The following RASA2 variants were observed in gnomAD, a reference collection of about 807,000 sequenced individuals.
RASA2 encodes the protein ras GTPase-activating protein 2.
A neutral mutation model predicts 118.2 loss-of-function variants in RASA2; 155 were observed. The observed-to-expected ratio is 1.31, with a 90% confidence interval of 1.15 to 1.50. The LOEUF (loss-of-function observed/expected upper bound fraction) is 1.50, where lower values mean the gene tolerates loss of function less well. Among genes scored for constraint, RASA2 ranks in the 40% most tolerant of loss-of-function variants. The pLI is 0.00. For synonymous variants in RASA2, 353 were observed against 349.1 expected, an observed-to-expected ratio of 1.01 and a Z score of -0.12; for missense variants, 1,016 against 1,009.6, an observed-to-expected ratio of 1.01 and a Z score of -0.09.
intron 1 of RASA2, among the ~76,000 whole-genome samples, chr3:141,490,612 C>T (rs556140462): frequency 6.6e-6 from 1 of 152,158 alleles, no homozygotes; most frequent in South Asian, 2.1e-4. Flanking sequence ...TGGTACAGTG[C>T]GAGATCTGTG....
At position 141,520,094 on chromosome 3, in the gene RASA2, A is replaced by G. The variant is rs113990171; in HGVS notation, c.355+3663A>G. ...AGTGACATGATCTCCGTTCACTGCA[A>G]CCTCCACCTCCTGGGTTCAAGCGAT... On this transcript the variant is annotated intron_variant, in intron 3 of 23. Coordinates refer to ENST00000286364, the MANE Select transcript of RASA2 (RefSeq NM_006506.5). Among the ~76,000 whole-genome samples the G allele has an allele frequency of 2.4e-3, 352 of 146,500 alleles. 5 individuals carry two copies. The highest frequency in any genetic ancestry group is 7.7e-3 in the African/African-American group (300 of 39,172).
Position 141,494,738 on chromosome 3 carries a change from C to CA in RASA2, c.133+7522_133+7523insA, listed in dbSNP as rs1223862851. ...AGGATCTCTTCATATTTTTAAGAGC[C>CA]TTTTTTTTTGATGTGCTATGTGAAC... On this transcript the variant is annotated intron_variant, in intron 1 of 23. Coordinates refer to ENST00000286364, the MANE Select transcript of RASA2 (RefSeq NM_006506.5). Among the ~76,000 whole-genome samples the CA allele has an allele frequency of 4.6e-5, 7 of 151,394 alleles. No individual in the cohort carries two copies. The East Asian group carries it at 9.7e-4, about 21-fold the overall frequency.
Position 141,612,505 on chromosome 3 carries a change from A to C in RASA2, c.*192A>C. ...CCTGGTATTGATGTATTACTAGAGA[A>C]TTTAAAGCCCAAGATTCCCTTCATA... On this transcript the variant is annotated 3_prime_UTR_variant, in exon 24 of 24. Transcript: ENST00000286364. 1 of 496,236 alleles carries C rather than the reference A, an allele frequency of 2.0e-6. No individual in the cohort carries two copies. Among genetic ancestry groups the C allele is most frequent in the Non-Finnish European group, 3.6e-6 (1 of 280,934 alleles). 30.7% of individuals were successfully genotyped at this position (496,236 alleles called of 1,614,324 possible).
At chr3:141,575,363 A>G (rs1158347463) in intron 14 of RASA2, among the ~76,000 whole-genome samples, 1 of 152,266 alleles carries the variant, frequency 6.6e-6, no homozygotes, top group Non-Finnish European at 1.5e-5. Flanking sequence ...GCAAATAAGT[A>G]ACTAAATCTA....
intron 16 of RASA2, among the ~76,000 whole-genome samples, 156 bp from the exon 17 acceptor site, chr3:141,580,944 A>G (rs950750284): frequency 6.6e-6 from 1 of 152,084 alleles, no homozygotes; most frequent in Admixed American, 6.6e-5. Context: ...TAATCACATG[A>G]CAGCTTTGAA....
rs1434531481 is a variant in RASA2 at position 141,580,076 on chromosome 3, AAAAAAAAAAATATAT to A, written c.1591-290_1591-276del. The stretch of plus-strand genomic sequence containing the variant: ...ATCTCAGGAAAAAAAAAAGAAAAAA[AAAAAAAAAAATATAT>A]ATATATATATATATATATATATATA... On this transcript the variant is annotated intron_variant, in intron 15 of 23. Coordinates refer to ENST00000286364, the MANE Select transcript of RASA2 (RefSeq NM_006506.5). Among the ~76,000 whole-genome samples the A allele has an allele frequency of 2.7e-4, 29 of 106,266 alleles. No homozygotes were observed. The Middle Eastern group carries it at 0.015, about 56-fold the overall frequency. The allele number at this position is 106,266 out of a possible 152,430, so 69.7% of individuals were successfully genotyped here.
chr3:141,607,903 A>T (rs992518776), intron 20 of RASA2, 143 bp downstream of exon 20: 1 of 1,047,418 alleles, frequency 9.5e-7, no homozygotes. Flanking sequence ...GAAGTTGTTT[A>T]TTGGATTGTT....
chr3:141,491,094 GTTAA>G (rs1484837022), intron 1 of RASA2, among the ~76,000 whole-genome samples: 3 of 152,220 alleles, frequency 2.0e-5, no homozygotes, highest in Non-Finnish European at 2.9e-5. Context: ...TTTAAACGTT[GTTAA>G]TTAATCTTCA....
chr3:141,529,445 G>C (rs535168700), intron 3 of RASA2, among the ~76,000 whole-genome samples: 1 of 152,166 alleles, frequency 6.6e-6, no homozygotes, highest in South Asian at 2.1e-4. Flanking sequence ...AAAAAATGCA[G>C]TTGCCTGTAA....
In RASA2 at chr3:141,577,111, G is replaced by A. The variant is rs938705688; in HGVS notation, c.1590+5G>A. The A allele has an allele frequency of 1.9e-6, 3 of 1,554,690 alleles. No homozygotes were observed. The highest frequency in any genetic ancestry group is 2.3e-5 in the East Asian group (1 of 44,184). ...CATTTGCGACCTCATCATCCAGTAA[G>A]TGTTCATTCTTCTGAAAGCTTTATT... On this transcript the variant is annotated splice_donor_5th_base_variant and intron_variant, in intron 15 of 23. Coordinates refer to ENST00000286364, the MANE Select transcript of RASA2 (RefSeq NM_006506.5).
chr3:141,523,354 T>C (rs1278412619), intron 3 of RASA2, among the ~76,000 whole-genome samples: 2 of 152,134 alleles, frequency 1.3e-5, no homozygotes, highest in African/African-American at 2.4e-5. Flanking sequence ...CAAACTCTTA[T>C]CCACCTGCCT....
chr3:141,503,416 T>C (rs1293139703), intron 1 of RASA2, among the ~76,000 whole-genome samples: 1 of 152,242 alleles, frequency 6.6e-6, no homozygotes, highest in Non-Finnish European at 1.5e-5. Context: ...CTGATGACTG[T>C]TACATGGAAT....
At position 141,573,147 on chromosome 3, in the gene RASA2, A is replaced by G. The variant is rs1178142576; in HGVS notation, c.1285A>G (p.Ile429Val). The G allele has an allele frequency of 1.9e-6, 3 of 1,553,654 alleles. No homozygotes were observed. Among genetic ancestry groups the G allele is most frequent in the Non-Finnish European group, 1.7e-6 (2 of 1,159,068 alleles). Residue 429 changes from isoleucine (I) to valine (V), a missense_variant and splice_region_variant, in exon 13 of 24, where the codon ATA becomes GTA. Ile to Val is a conservative substitution (Grantham distance 29). Coordinates refer to ENST00000286364, the MANE Select transcript of RASA2 (RefSeq NM_006506.5). ...ATTAACTGAAAAATTTATTTTTCAGATATGTGACTCCTCAAAATCCTGTGA... is the reference window on the plus strand; with the variant it reads ...ATTAACTGAAAAATTTATTTTTCAGGTATGTGACTCCTCAAAATCCTGTGA... The part of the protein sequence containing the change: ...KVTLKPILDE[I>V]CDSSKSCEID...
chr3:141,585,846 A>G lies in RASA2; in HGVS notation c.1753-179A>G, dbSNP rs113550311. 7.2e-3 allele frequency among the ~76,000 whole-genome samples: 1,089 copies of G among 152,248 alleles called. 17 individuals carry two copies. Among genetic ancestry groups the G allele is most frequent in the African/African-American group, 0.025 (1,041 of 41,542 alleles). The stretch of plus-strand genomic sequence containing the variant: ...AAATAATACTTTTATAATACTTGTC[A>G]TTTGTAAATTAGGGATTTCCTCTCT... On this transcript the variant is annotated intron_variant, in intron 17 of 23. Transcript: ENST00000286364.
intron 1 of RASA2, among the ~76,000 whole-genome samples, chr3:141,501,159 T>G (rs2081772967): frequency 6.6e-6 from 1 of 152,226 alleles, no homozygotes; most frequent in African/African-American, 2.4e-5. Context: ...AATCTCTGGC[T>G]AGCCAACCTC....
At chr3:141,497,422 A>G (rs1034062352) in intron 1 of RASA2, among the ~76,000 whole-genome samples, 24 of 152,064 alleles carry the variant, frequency 1.6e-4, no homozygotes, top group Non-Finnish European at 2.1e-4. Context: ...ATTTATATAA[A>G]TGAACTTGAT....
At chr3:141,520,603 G>C (rs192733829) in intron 3 of RASA2, among the ~76,000 whole-genome samples, 1 of 151,712 alleles carries the variant, frequency 6.6e-6, no homozygotes, top group South Asian at 2.1e-4. Flanking sequence ...AGAAGAATCT[G>C]CATATTGTAT....
chr3:141,536,852 A>G (rs1158329759), intron 4 of RASA2, among the ~76,000 whole-genome samples: 1 of 148,010 alleles, frequency 6.8e-6, no homozygotes, highest in Non-Finnish European at 1.5e-5. Context: ...GGTTCAAGTG[A>G]TTCTCCTGCC....
At chr3:141,491,687 A>G (rs2081641445) in intron 1 of RASA2, among the ~76,000 whole-genome samples, 1 of 152,222 alleles carries the variant, frequency 6.6e-6, no homozygotes, top group African/African-American at 2.4e-5. Flanking sequence ...GTGCCCACTA[A>G]GCTTAGGTTT....
Sources: allele counts gnomAD v4.1 joint callset (sites outside exome capture counted in the v4.1 genomes callset), GRCh38; gene constraint gnomAD v4.1.1; transcripts MANE v1.5; gene names NCBI Gene and HGNC (gene_info 2026-07-23, HGNC 2026-07-21).